Variants in SHC4 observed in about 807,000 individuals in gnomAD.
SHC4 encodes SHC-transforming protein 4.
A neutral mutation model predicts 69.4 loss-of-function variants in SHC4; 41 were observed. That is an observed-to-expected ratio of 0.59 (90% CI 0.46 to 0.77). The LOEUF (loss-of-function observed/expected upper bound fraction) is 0.77, where lower values mean the gene tolerates loss of function less well. Among genes scored for constraint, SHC4 ranks in the 30% least tolerant of loss-of-function variants. The pLI is 0.00. For synonymous variants in SHC4, 318 were observed against 299.3 expected (o/e 1.06, Z -0.64); for missense variants, 777 against 783.8 (o/e 0.99, Z 0.10).
chr15:48,937,742 T>C (rs1415034837), intron 1 of SHC4, among the ~76,000 whole-genome samples: 22 of 152,288 alleles, frequency 1.4e-4, no homozygotes. Flanking sequence ...CAATAACTTA[T>C]AGTGACTTGA....
chr15:48,855,640 T>C (rs899185792), intron 8 of SHC4, among the ~76,000 whole-genome samples: 6 of 152,014 alleles, frequency 3.9e-5, no homozygotes, highest in African/African-American at 7.2e-5. Context: ...TTGGAGATAG[T>C]TGCTAAGGAA....
At chr15:48,914,724 A>T (rs1461477839) in intron 2 of SHC4, among the ~76,000 whole-genome samples, 3 of 152,202 alleles carry the variant, frequency 2.0e-5, no homozygotes, top group Non-Finnish European at 4.4e-5. Context: ...GTCATCTGGT[A>T]ACTGCTGTTT....
intron 2 of SHC4, among the ~76,000 whole-genome samples, chr15:48,899,943 A>G (rs991136068): frequency 1.3e-5 from 2 of 152,204 alleles, no homozygotes; most frequent in African/African-American, 2.4e-5. Context: ...CATGAACCAC[A>G]CAGCTGATTA....
At chr15:48,908,562 C>T (rs957155961) in intron 2 of SHC4, among the ~76,000 whole-genome samples, 1 of 152,104 alleles carries the variant, frequency 6.6e-6, no homozygotes, top group African/African-American at 2.4e-5. Flanking sequence ...TAATTAGGTC[C>T]CAGCTATTTA....
intron 6 of SHC4, among the ~76,000 whole-genome samples, chr15:48,860,993 C>T (rs1899429301): frequency 1.3e-5 from 2 of 152,246 alleles, no homozygotes; most frequent in Non-Finnish European, 2.9e-5. Flanking sequence ...GCCTCTAACG[C>T]TTCTGGCGTA....
At chr15:48,877,590 T>C in intron 4 of SHC4, 1 of 984,330 alleles carries the variant, frequency 1.0e-6, no homozygotes, top group Non-Finnish European at 1.2e-6. Context: ...AGTGGAAAGA[T>C]ACCTCCCAGG....
chr15:48,896,618 C>A (rs1339355373), intron 2 of SHC4, among the ~76,000 whole-genome samples: 1 of 152,156 alleles, frequency 6.6e-6, no homozygotes, highest in Non-Finnish European at 1.5e-5. Context: ...CCGCGCCCAG[C>A]CTGTACAAAC....
intron 2 of SHC4, among the ~76,000 whole-genome samples, chr15:48,923,743 G>T (rs1900795559): frequency 6.7e-6 from 1 of 148,196 alleles, no homozygotes; most frequent in Admixed American, 6.8e-5. Flanking sequence ...GGGCTCAAGT[G>T]ATCCTCCAGC....
At chr15:48,878,615 T>C in intron 4 of SHC4, 2 of 1,613,936 alleles carry the variant, frequency 1.2e-6, no homozygotes, top group South Asian at 2.2e-5. Context: ...GGATGGCGGG[T>C]TTCAGATGCA....
intron 11 of SHC4, among the ~76,000 whole-genome samples, chr15:48,830,560 T>C (rs965812549): frequency 6.6e-6 from 1 of 151,988 alleles, no homozygotes; most frequent in African/African-American, 2.4e-5. Context: ...CAGGAAGGCA[T>C]AGCTGAAGAG....
At chr15:48,896,406 C>G (rs907675261) in intron 2 of SHC4, among the ~76,000 whole-genome samples, 2 of 151,756 alleles carry the variant, frequency 1.3e-5, no homozygotes, top group African/African-American at 4.8e-5. Context: ...CTGCAACCTC[C>G]GCCTCTAGGG....
At chr15:48,953,366 T>A (rs1453904171) in intron 1 of SHC4, among the ~76,000 whole-genome samples, 1 of 152,046 alleles carries the variant, frequency 6.6e-6, no homozygotes, top group African/African-American at 2.4e-5. Flanking sequence ...CAACCCCCCA[T>A]GACACAAGTT....
At chr15:48,917,464 G>A (rs553625054) in intron 2 of SHC4, among the ~76,000 whole-genome samples, 110 of 151,916 alleles carry the variant, frequency 7.2e-4, no homozygotes, top group Non-Finnish European at 1.2e-3. Flanking sequence ...ATACAGTTCC[G>A]GACATTTTAA....
chr15:48,900,515 A>G (rs1900303702), intron 2 of SHC4, among the ~76,000 whole-genome samples: 1 of 152,020 alleles, frequency 6.6e-6, no homozygotes, highest in African/African-American at 2.4e-5. Context: ...TCAAAAAAAA[A>G]AAAAGAAAAA....
chr15:48,947,457 T>C (rs2040911522), intron 1 of SHC4: 1 of 152,238 alleles, frequency 6.6e-6, no homozygotes, highest in Admixed American at 6.5e-5. Flanking sequence ...TATGCAACAC[T>C]TAGGAAAAAA....
At chr15:48,891,003 C>A (rs1900127276) in intron 2 of SHC4, among the ~76,000 whole-genome samples, 192 bp from the exon 3 acceptor site, 1 of 152,168 alleles carries the variant, frequency 6.6e-6, no homozygotes, top group South Asian at 2.1e-4. Flanking sequence ...CCTAGCAGCA[C>A]CCTAATACTG....
At chr15:48,920,931 G>C (rs1595758053) in intron 2 of SHC4, among the ~76,000 whole-genome samples, 2 of 151,760 alleles carry the variant, frequency 1.3e-5, no homozygotes, top group Admixed American at 6.6e-5. Flanking sequence ...ATATGAAGAA[G>C]AAGAAGGAGG....
chr15:48,950,416 C>T (rs1901348374), intron 1 of SHC4, among the ~76,000 whole-genome samples: 1 of 151,944 alleles, frequency 6.6e-6, no homozygotes, highest in Non-Finnish European at 1.5e-5. Context: ...TACTTTATCA[C>T]ACTGATGTAT....
intron 2 of SHC4, among the ~76,000 whole-genome samples, chr15:48,903,422 A>T (rs1199114044): frequency 6.6e-6 from 1 of 152,182 alleles, no homozygotes; most frequent in Non-Finnish European, 1.5e-5. Flanking sequence ...CTAGCTATTT[A>T]GGATGTAGCA....
Sources: allele counts gnomAD v4.1 joint callset (sites outside exome capture counted in the v4.1 genomes callset), GRCh38; gene constraint gnomAD v4.1.1; transcripts MANE v1.5; gene names NCBI Gene and HGNC (gene_info 2026-07-23, HGNC 2026-07-21).